The following ATG7 variants were observed in gnomAD, a reference collection of about 807,000 sequenced individuals.
The protein encoded by ATG7 is autophagy related 7, also known as ubiquitin-like modifier-activating enzyme ATG7.
ATG7 carries 70 observed loss-of-function variants against 82.4 expected under a neutral mutation model. The ratio of observed to expected loss-of-function variants is 0.85; its 90% confidence interval spans 0.70 to 1.04. The LOEUF is 1.04. Ranked by LOEUF, ATG7 falls within the 50% of genes least tolerant of loss-of-function variation. The pLI is 0.00. For synonymous variants in ATG7, 287 were observed against 313.0 expected (o/e 0.92, Z 0.88); for missense variants, 792 against 864.3 (o/e 0.92, Z 1.05).
intron 3 of ATG7, among the ~76,000 whole-genome samples, chr3:11,286,719 T>TCC (rs1944121516): frequency 6.6e-6 from 1 of 150,508 alleles, no homozygotes; most frequent in Non-Finnish European, 1.5e-5. Flanking sequence ...CACCTGAGTC[T>TCC]CCCAAGTAGC....
intron 20 of ATG7, among the ~76,000 whole-genome samples, chr3:11,443,243 G>A (rs1157632713): frequency 6.6e-6 from 1 of 152,150 alleles, no homozygotes; most frequent in Non-Finnish European, 1.5e-5. Context: ...ACTTCCCCAT[G>A]AGATCCACCT....
intron 6 of ATG7, among the ~76,000 whole-genome samples, chr3:11,308,079 G>T (rs966250947): frequency 9.8e-5 from 15 of 152,298 alleles, no homozygotes; most frequent in Non-Finnish European, 2.1e-4. Context: ...AGCAGCTTCT[G>T]CCCCATGCCC....
At chr3:11,510,481 G>C (rs2091996831) in intron 20 of ATG7, 1 of 346,926 alleles carries the variant, frequency 2.9e-6, no homozygotes, top group African/African-American at 2.4e-5. Context: ...TGATACAGAT[G>C]CTGCCTTGTC....
At chr3:11,544,431 G>A (rs1025481817) in intron 20 of ATG7, among the ~76,000 whole-genome samples, 2 of 152,226 alleles carry the variant, frequency 1.3e-5, no homozygotes, top group African/African-American at 2.4e-5. Context: ...ATCCTGCCTG[G>A]GGCCTCTTAG....
chr3:11,566,447 A>G, the ATG7 span, among the ~76,000 whole-genome samples: 1 of 152,188 alleles, frequency 6.6e-6, no homozygotes, highest in African/African-American at 2.4e-5. Flanking sequence ...TCCATTCCAG[A>G]GCAATCTCTT....
intron 20 of ATG7, among the ~76,000 whole-genome samples, chr3:11,472,620 T>C (rs995064076): frequency 2.0e-5 from 3 of 152,192 alleles, no homozygotes; most frequent in African/African-American, 4.8e-5. Flanking sequence ...ACTGTGGTTA[T>C]CTTACCTTTC....
chr3:11,301,105 A>G (rs1425151336), intron 5 of ATG7, among the ~76,000 whole-genome samples: 1 of 152,216 alleles, frequency 6.6e-6, no homozygotes, highest in Non-Finnish European at 1.5e-5. Flanking sequence ...GGAAAACCAG[A>G]AAAGTGTTAG....
intron 20 of ATG7, among the ~76,000 whole-genome samples, chr3:11,553,697 G>T (rs1172674619): frequency 6.6e-6 from 1 of 152,186 alleles, no homozygotes; most frequent in Non-Finnish European, 1.5e-5. Flanking sequence ...CCTCCCAAGA[G>T]CTCAGATAGT....
At chr3:11,553,053 C>A (rs2071972506) in intron 20 of ATG7, among the ~76,000 whole-genome samples, 1 of 152,044 alleles carries the variant, frequency 6.6e-6, no homozygotes, top group Non-Finnish European at 1.5e-5. Context: ...GGCTGGCAGC[C>A]CTCCAAGGAG....
At chr3:11,562,719 C>T in the ATG7 span, among the ~76,000 whole-genome samples, 3 of 152,346 alleles carry the variant, frequency 2.0e-5, no homozygotes, top group South Asian at 4.1e-4. Flanking sequence ...ACAGCAGCCA[C>T]GGCAAGGAGG....
At chr3:11,351,508 G>A (rs1193577652) in intron 14 of ATG7, among the ~76,000 whole-genome samples, 4 of 152,188 alleles carry the variant, frequency 2.6e-5, no homozygotes, top group African/African-American at 7.2e-5. Context: ...AAGAAGATGA[G>A]GAGGAAGAGA....
chr3:11,394,638 CTA>C (rs764978206), intron 19 of ATG7, among the ~76,000 whole-genome samples: 16 of 152,280 alleles, frequency 1.1e-4, no homozygotes, highest in Admixed American at 2.0e-4. Flanking sequence ...GGTTGGAACT[CTA>C]TCAAGAGATA....
At chr3:11,519,559 T>C (rs963138738) in intron 20 of ATG7, among the ~76,000 whole-genome samples, 6 of 107,162 alleles carry the variant, frequency 5.6e-5, no homozygotes, top group African/African-American at 2.8e-4. Context: ...TTTTTTTTTT[T>C]TTTTTTTTTT....
intron 20 of ATG7, among the ~76,000 whole-genome samples, chr3:11,517,528 C>A (rs1028015661): frequency 6.6e-5 from 10 of 152,238 alleles, no homozygotes; most frequent in African/African-American, 2.4e-4. Flanking sequence ...TCAGCAGGCA[C>A]ACAGAGGCCT....
rs188073586 is a variant in ATG7, at chr3:11,402,399, C to T, written c.1956+22347C>T. Among the ~76,000 whole-genome samples, 22 of 152,298 alleles carry T rather than the reference C, an allele frequency of 1.4e-4. No individual in the cohort carries two copies. The East Asian group carries it at 3.9e-3, about 27-fold the overall frequency. On this transcript the variant is annotated intron_variant, in intron 19 of 20. Coordinates refer to ENST00000693202, the MANE Select transcript of ATG7 (RefSeq NM_001349232.2). Reference sequence around the variant, plus strand: ...AGTGAGCCAAGATTGTGCCATTGCACTCCAGCCTGGGCAATAGAGTGAGAC... The same window carrying T: ...AGTGAGCCAAGATTGTGCCATTGCATTCCAGCCTGGGCAATAGAGTGAGAC...
intron 20 of ATG7, among the ~76,000 whole-genome samples, chr3:11,496,241 T>C (rs1371074684): frequency 6.6e-6 from 1 of 152,214 alleles, no homozygotes; most frequent in Non-Finnish European, 1.5e-5. Flanking sequence ...CTCCAAGCGT[T>C]TCCACTGCTA....
At chr3:11,410,139 A>G (rs563715596) in intron 19 of ATG7, among the ~76,000 whole-genome samples, 48 of 152,336 alleles carry the variant, frequency 3.2e-4, no homozygotes, top group East Asian at 1.3e-3. Flanking sequence ...CATTGACTCT[A>G]TAGGTCAAAT....
At chr3:11,538,159 TG>T in intron 20 of ATG7, among the ~76,000 whole-genome samples, 1 of 152,254 alleles carries the variant, frequency 6.6e-6, no homozygotes, top group Admixed American at 6.5e-5. Context: ...TAGAGGCAAG[TG>T]GTCAGAGAGA....
intron 19 of ATG7, among the ~76,000 whole-genome samples, chr3:11,404,487 C>T (rs1270304549): frequency 6.6e-6 from 1 of 151,712 alleles, no homozygotes; most frequent in African/African-American, 2.4e-5. Flanking sequence ...CCATTAATAC[C>T]TCTGCCTTGC....
Sources: gnomAD v4.1 joint callset for allele counts (sites outside exome capture counted in the v4.1 genomes callset) on GRCh38, gnomAD v4.1.1 for gene constraint, MANE v1.5 for transcripts, NCBI Gene and HGNC (gene_info 2026-07-23, HGNC 2026-07-21) for gene names.